The following TMOD2 variants were observed in gnomAD, a reference collection of about 807,000 sequenced individuals.
TMOD2 encodes the protein tropomodulin-2.
Under a neutral mutation model 39.9 loss-of-function variants are expected in TMOD2, and 22 were observed. That is an observed-to-expected ratio of 0.55 (90% CI 0.39 to 0.79). TMOD2 has a LOEUF of 0.79. Ranked by LOEUF, TMOD2 falls within the 30% of genes least tolerant of loss-of-function variation. The pLI is 0.00. For synonymous variants in TMOD2, 123 were observed against 146.1 expected (o/e 0.84, Z 1.14); for missense variants, 386 against 413.3 (o/e 0.93, Z 0.57).
At chr15:51,783,698 G>A (rs2055947843) in intron 7 of TMOD2, 1 of 151,886 alleles carries the variant, frequency 6.6e-6, no homozygotes, top group Non-Finnish European at 1.5e-5. Flanking sequence ...AGGCTGCAGT[G>A]AGCTATGATT....
intron 7 of TMOD2, among the ~76,000 whole-genome samples, chr15:51,789,072 A>G (rs1284261463): frequency 6.6e-6 from 1 of 152,214 alleles, no homozygotes; most frequent in East Asian, 1.9e-4. Context: ...GGCAAATTGG[A>G]TAAAGAGTCA....
intron 1 of TMOD2, among the ~76,000 whole-genome samples, chr15:51,758,916 A>G (rs1451340507): frequency 1.3e-5 from 2 of 152,186 alleles, no homozygotes; most frequent in Non-Finnish European, 2.9e-5. Flanking sequence ...CCAGGAGGAG[A>G]TGGGGAGTGC....
intron 4 of TMOD2, among the ~76,000 whole-genome samples, chr15:51,775,570 CTTTTTTTTT>C (rs869308022): frequency 6.2e-5 from 5 of 81,208 alleles, no homozygotes; most frequent in East Asian, 4.0e-4. Flanking sequence ...ATTCTTTTTC[CTTTTTTTTT>C]TTTTTTTTTT....
chr15:51,760,940 G>A (rs539921353), intron 1 of TMOD2, among the ~76,000 whole-genome samples: 1 of 152,168 alleles, frequency 6.6e-6, no homozygotes, highest in African/African-American at 2.4e-5. Context: ...ACCACAGAGA[G>A]CAAATAAGCC....
chr15:51,792,884 G>C (rs986271350), intron 7 of TMOD2, among the ~76,000 whole-genome samples: 1 of 151,984 alleles, frequency 6.6e-6, no homozygotes, highest in African/African-American at 2.4e-5. Flanking sequence ...GCTAGGGGAG[G>C]GATAACATTA....
intron 3 of TMOD2, 72 bp downstream of exon 3, chr15:51,768,490 A>G (rs1252246551): frequency 3.5e-6 from 5 of 1,408,530 alleles, no homozygotes; most frequent in Non-Finnish European, 3.9e-6. Flanking sequence ...AGGCACTCTT[A>G]ATTAAGATTA....
intron 7 of TMOD2, among the ~76,000 whole-genome samples, chr15:51,786,087 T>G (rs956331501): frequency 1.3e-5 from 2 of 152,144 alleles, no homozygotes; most frequent in Non-Finnish European, 2.9e-5. Context: ...TTTCAAAATA[T>G]GATTTTGCTA....
chr15:51,791,670 G>T (rs556655951), intron 7 of TMOD2, among the ~76,000 whole-genome samples: 1 of 152,236 alleles, frequency 6.6e-6, no homozygotes, highest in East Asian at 1.9e-4. Context: ...ATAGACCAAT[G>T]GAACAGAACG....
chr15:51,792,595 T>C (rs566526843), intron 7 of TMOD2, among the ~76,000 whole-genome samples: 37 of 152,164 alleles, frequency 2.4e-4, no homozygotes, highest in African/African-American at 8.9e-4. Flanking sequence ...TTCACAATAG[T>C]AAAGACTTGG....
chr15:51,802,558 T>C (rs1300531941), intron 8 of TMOD2, among the ~76,000 whole-genome samples: 1 of 152,310 alleles, frequency 6.6e-6, no homozygotes, highest in East Asian at 1.9e-4. Context: ...TATAGGTGAT[T>C]TGGGGTAACT....
intron 1 of TMOD2, among the ~76,000 whole-genome samples, chr15:51,759,537 A>G (rs1043518956): frequency 3.9e-5 from 6 of 152,212 alleles, no homozygotes; most frequent in African/African-American, 1.4e-4. Context: ...TTGCTAAAAG[A>G]GACCAAAAAG....
At position 51,792,239 on chromosome 15, in the gene TMOD2, G is replaced by A. The variant is rs553412349; in HGVS notation, c.733-5958G>A. Among the ~76,000 whole-genome samples, 3 of 152,326 alleles carry A rather than the reference G, an allele frequency of 2.0e-5. No homozygotes were observed. The South Asian group carries it at 6.2e-4, about 32-fold the overall frequency. ...ACACTTCTCAAAAGAAGACATTTAT[G>A]CAGCCAACAGACATATGAAAAAATG... On this transcript the variant is annotated intron_variant, in intron 7 of 9. Coordinates refer to ENST00000249700, the MANE Select transcript of TMOD2 (RefSeq NM_014548.4).
At chr15:51,756,907 C>T (rs1336305547) in intron 1 of TMOD2, among the ~76,000 whole-genome samples, 1 of 152,138 alleles carries the variant, frequency 6.6e-6, no homozygotes, top group Non-Finnish European at 1.5e-5. Flanking sequence ...AGCTACATTA[C>T]AAAACAGGCG....
At chr15:51,784,542 A>G (rs1023930497) in intron 7 of TMOD2, 2 of 152,266 alleles carry the variant, frequency 1.3e-5, no homozygotes, top group Admixed American at 6.5e-5. Context: ...CAAACTTGAA[A>G]TAAGCACTCA....
At position 51,806,463 on chromosome 15, in the gene TMOD2, T is replaced by A; in HGVS notation, c.963T>A (p.Phe321Leu). ...NSRILKFGYQ[F>L]TKQGPRTRVA... is the part of the protein sequence containing the mutation. Reference sequence around the variant, plus strand: ...GGATCCTCAAGTTTGGATACCAGTTTACCAAGCAAGGGCCACGAACAAGGG... The same window carrying A: ...GGATCCTCAAGTTTGGATACCAGTTAACCAAGCAAGGGCCACGAACAAGGG... Residue 321 changes from phenylalanine (F) to leucine (L), a missense_variant, in exon 9 of 10, where the codon TTT (phenylalanine) becomes TTA (leucine). Physicochemically the swap from Phe to Leu is conservative, Grantham distance 22. Transcript: ENST00000249700. The A allele has an allele frequency of 6.2e-7, 1 of 1,614,222 alleles. No individual in the cohort carries two copies. The highest frequency in any genetic ancestry group is 1.1e-5 in the South Asian group (1 of 91,084).
chr15:51,812,930 C>G lies in TMOD2; in HGVS notation c.*4476C>G, dbSNP rs1286212150. ...CCCTGCTACTCAACCAATCCTAAAGCTAAAGTACTGAGATGCACACAAAGG... is the reference window on the plus strand; with the variant it reads ...CCCTGCTACTCAACCAATCCTAAAGGTAAAGTACTGAGATGCACACAAAGG... On this transcript the variant is annotated 3_prime_UTR_variant, in exon 10 of 10. Transcript: ENST00000249700. The G allele has an allele frequency of 6.6e-6, 1 of 152,162 alleles. No individual in the cohort carries two copies. Among genetic ancestry groups the G allele is most frequent in the Non-Finnish European group, 1.5e-5 (1 of 68,048 alleles). 9.4% of individuals were successfully genotyped at this position (152,162 alleles called of 1,614,324 possible).
intron 7 of TMOD2, among the ~76,000 whole-genome samples, chr15:51,790,763 A>G (rs1241464815): frequency 6.6e-6 from 1 of 152,238 alleles, no homozygotes; most frequent in Non-Finnish European, 1.5e-5. Context: ...CCACATGATT[A>G]TCTCAATAGA....
intron 7 of TMOD2, among the ~76,000 whole-genome samples, chr15:51,793,475 A>G (rs1284942425): frequency 2.0e-5 from 3 of 152,234 alleles, no homozygotes; most frequent in Admixed American, 1.3e-4. Context: ...TCTCATGGCT[A>G]CCATTTGGCC....
intron 5 of TMOD2, among the ~76,000 whole-genome samples, chr15:51,777,758 GC>G (rs1343001951): frequency 6.6e-6 from 1 of 152,060 alleles, no homozygotes; most frequent in Non-Finnish European, 1.5e-5. Flanking sequence ...TAAAATACTG[GC>G]AAACCGAATC....
Sources: gnomAD v4.1 joint callset for allele counts (sites outside exome capture counted in the v4.1 genomes callset) on GRCh38, gnomAD v4.1.1 for gene constraint, MANE v1.5 for transcripts, NCBI Gene and HGNC (gene_info 2026-07-23, HGNC 2026-07-21) for gene names.